Variants in KCNIP1 observed in about 807,000 individuals in gnomAD.
KCNIP1 encodes the protein A-type potassium channel modulatory protein KCNIP1.
A neutral mutation model predicts 33.0 loss-of-function variants in KCNIP1; 18 were observed. That is an observed-to-expected ratio of 0.55 (90% CI 0.38 to 0.81). KCNIP1 has a LOEUF of 0.81. KCNIP1 is among the 30% of genes least tolerant of loss of function. The pLI, the probability that KCNIP1 is intolerant of heterozygous loss-of-function variation, is 0.00. For missense variants in KCNIP1, 238 were observed against 271.6 expected (o/e 0.88, Z 0.87); for synonymous variants, 93 against 98.3 (o/e 0.95, Z 0.32).
At chr5:170,681,086 G>A (rs536807173) in intron 1 of KCNIP1, 1 of 399,520 alleles carries the variant, frequency 2.5e-6, no homozygotes, top group African/African-American at 2.1e-5. Context: ...CAGAGGGCGA[G>A]TCCGAAGGGC....
chr5:170,664,625 A>G (rs867829766), intron 1 of KCNIP1, among the ~76,000 whole-genome samples: 2 of 152,264 alleles, frequency 1.3e-5, no homozygotes, highest in South Asian at 2.1e-4. Context: ...GCATTCTTCT[A>G]TTTAAAACTA....
chr5:170,620,147 C>T (rs563790419), intron 1 of KCNIP1, among the ~76,000 whole-genome samples: 96 of 152,294 alleles, frequency 6.3e-4, no homozygotes, highest in African/African-American at 2.2e-3. Flanking sequence ...AGCAGGTGCT[C>T]AAAGAATATC....
chr5:170,658,178 G>C (rs183657746), intron 1 of KCNIP1, among the ~76,000 whole-genome samples: 1 of 152,308 alleles, frequency 6.6e-6, no homozygotes, highest in East Asian at 1.9e-4. Flanking sequence ...TCCCTTTTCT[G>C]TTGCTTAGAA....
At chr5:170,457,925 A>C (rs1297018125) in intron 1 of KCNIP1, among the ~76,000 whole-genome samples, 1 of 152,234 alleles carries the variant, frequency 6.6e-6, no homozygotes, top group Non-Finnish European at 1.5e-5. Flanking sequence ...GGCAAAGTCC[A>C]ACTTAAGGAA....
intron 1 of KCNIP1, chr5:170,681,029 G>T: frequency 2.5e-6 from 1 of 399,430 alleles, no homozygotes; most frequent in South Asian, 1.3e-4. Context: ...GGCTTTGAAT[G>T]ACCGCCTAGC....
intron 1 of KCNIP1, among the ~76,000 whole-genome samples, chr5:170,556,326 T>G (rs1258374774): frequency 2.6e-5 from 4 of 152,226 alleles, no homozygotes; most frequent in Non-Finnish European, 1.5e-5. Flanking sequence ...CAAGTTCTTC[T>G]TGGAGGAGCT....
At chr5:170,563,633 T>G (rs1479135497) in intron 1 of KCNIP1, among the ~76,000 whole-genome samples, 1 of 77,370 alleles carries the variant, frequency 1.3e-5, no homozygotes, top group East Asian at 3.1e-4. Flanking sequence ...AGGTGTTTTG[T>G]TTTTTTTTTT....
intron 1 of KCNIP1, among the ~76,000 whole-genome samples, chr5:170,388,894 A>T (rs1470617018): frequency 2.0e-5 from 3 of 152,242 alleles, no homozygotes; most frequent in African/African-American, 7.2e-5. Context: ...CTACTAACGA[A>T]GGAAACCCTG....
At chr5:170,576,362 C>A (rs2113503163) in intron 1 of KCNIP1, among the ~76,000 whole-genome samples, 2 of 152,284 alleles carry the variant, frequency 1.3e-5, no homozygotes, top group South Asian at 4.1e-4. Context: ...CTTCTAAGAC[C>A]TAGCCTCAGA....
intron 1 of KCNIP1, among the ~76,000 whole-genome samples, chr5:170,521,395 G>A (rs1403747237): frequency 1.3e-5 from 2 of 152,158 alleles, no homozygotes; most frequent in Non-Finnish European, 2.9e-5. Context: ...TCTCTGCTCT[G>A]TCTCCCACCT....
chr5:170,487,416 G>A (rs1270913360), intron 1 of KCNIP1, among the ~76,000 whole-genome samples: 4 of 152,174 alleles, frequency 2.6e-5, no homozygotes, highest in East Asian at 1.9e-4. Context: ...AAAATTAACC[G>A]ACACAATTCA....
intron 1 of KCNIP1, among the ~76,000 whole-genome samples, chr5:170,552,624 T>G (rs192483887): frequency 6.6e-6 from 1 of 152,066 alleles, no homozygotes; most frequent in Admixed American, 6.5e-5. Flanking sequence ...GTGGTTGTGG[T>G]TGGACCACAG....
intron 1 of KCNIP1, among the ~76,000 whole-genome samples, chr5:170,663,894 A>ACTCCCTTCC (rs1283241750): frequency 4.2e-5 from 6 of 143,800 alleles, no homozygotes; most frequent in African/African-American, 1.6e-4. Context: ...CCCTGTGTAC[A>ACTCCCTTCC]CTCCCTTCCA....
intron 1 of KCNIP1, among the ~76,000 whole-genome samples, chr5:170,528,653 T>C (rs917638528): frequency 6.6e-6 from 1 of 152,190 alleles, no homozygotes; most frequent in African/African-American, 2.4e-5. Flanking sequence ...TAGTGCCCTT[T>C]ACTCCCCACC....
chr5:170,420,218 C>T (rs560061146), intron 1 of KCNIP1, among the ~76,000 whole-genome samples: 1 of 152,298 alleles, frequency 6.6e-6, no homozygotes, highest in African/African-American at 2.4e-5. Context: ...GTCTCTGCCA[C>T]CCCTGAGACA....
intron 1 of KCNIP1, among the ~76,000 whole-genome samples, chr5:170,580,232 A>C (rs559985930): frequency 6.6e-6 from 1 of 152,296 alleles, no homozygotes; most frequent in South Asian, 2.1e-4. Context: ...CTGCTCTGAG[A>C]GATCTTTGCT....
intron 1 of KCNIP1, among the ~76,000 whole-genome samples, chr5:170,507,298 A>G (rs933656): frequency 0.52 from 79,182 of 152,084 alleles, 21,905 homozygotes; most frequent in African/African-American, 0.72. Context: ...TATAAAACAG[A>G]GATAGTAGTA....
intron 1 of KCNIP1, among the ~76,000 whole-genome samples, chr5:170,413,009 T>C (rs551374479): frequency 3.3e-5 from 5 of 152,332 alleles, no homozygotes; most frequent in African/African-American, 1.2e-4. Context: ...TTGTTGTCTG[T>C]TTTGCACACA....
At chr5:170,656,099 T>C (rs1362241535) in intron 1 of KCNIP1, among the ~76,000 whole-genome samples, 1 of 152,128 alleles carries the variant, frequency 6.6e-6, no homozygotes, top group African/African-American at 2.4e-5. Context: ...AGCACGGCTC[T>C]GAGGGGCATG....
Sources: allele counts gnomAD v4.1 joint callset (sites outside exome capture counted in the v4.1 genomes callset), GRCh38; gene constraint gnomAD v4.1.1; transcripts MANE v1.5; gene names NCBI Gene and HGNC (gene_info 2026-07-23, HGNC 2026-07-21).